BCL11B: variants seen among roughly 807,000 people sequenced by gnomAD.
BCL11B encodes BCL11 transcription factor B.
Under a neutral mutation model 49.9 loss-of-function variants are expected in BCL11B, and 8 were observed. The ratio of observed to expected loss-of-function variants is 0.16; its 90% CI spans 0.09 to 0.29. The LOEUF is 0.29. Ranked by LOEUF, BCL11B falls within the 10% of genes least tolerant of loss-of-function variation. BCL11B has a pLI of 1.00. For synonymous variants in BCL11B, 739 were observed against 637.4 expected (o/e 1.16, Z -2.40); for missense variants, 1,006 against 1,351.0 (o/e 0.74, Z 4.00).
At chr14:99,189,394 G>T (rs1192415560) in intron 3 of BCL11B, among the ~76,000 whole-genome samples, 1 of 152,246 alleles carries the variant, frequency 6.6e-6, no homozygotes, top group Non-Finnish European at 1.5e-5. Context: ...GGCGGTTATG[G>T]AAGAGAAAAG....
At chr14:99,221,580 G>A (rs1888009595) in intron 3 of BCL11B, among the ~76,000 whole-genome samples, 1 of 152,280 alleles carries the variant, frequency 6.6e-6, no homozygotes, top group Admixed American at 6.5e-5. Flanking sequence ...GGCCAGGCGG[G>A]AGGGGCAGGC....
At chr14:99,238,115 G>A (rs10129812) in intron 2 of BCL11B, among the ~76,000 whole-genome samples, 48,017 of 151,826 alleles carry the variant, frequency 0.32, 8,740 homozygotes, top group Non-Finnish European at 0.42. Flanking sequence ...GCTTGGCCGT[G>A]AGGGAGACTA....
rs1002936626 is a variant in BCL11B at position 99,169,717 on chromosome 14, T to C, written c.*4434A>G. ...GGGACTTTGCTTTGCAGGGCTGAGT[T>C]ACAAGGAGCACCAAAATCACGGGTT... is the stretch of plus-strand genomic sequence containing the variant. On this transcript the variant is annotated 3_prime_UTR_variant, in exon 4 of 4. Coordinates refer to ENST00000357195, the MANE Select transcript of BCL11B (RefSeq NM_138576.4). 4.5e-6 allele frequency: 1 copy of C among 222,642 alleles called. No individual in the cohort carries two copies. The highest frequency in any genetic ancestry group is 9.0e-6 in the Non-Finnish European group (1 of 111,066). 13.8% of individuals were successfully genotyped at this position (222,642 alleles called of 1,614,324 possible). A position where few individuals can be genotyped will look rare whatever the true frequency, so the allele number is the denominator to read the frequency against.
At chr14:99,206,532 C>T (rs1323105981) in intron 3 of BCL11B, among the ~76,000 whole-genome samples, 1 of 152,362 alleles carries the variant, frequency 6.6e-6, no homozygotes, top group African/African-American at 2.4e-5. Context: ...CTCTGTCCAG[C>T]ATATCCATGC....
chr14:99,259,298 G>T (rs567086492), intron 1 of BCL11B, among the ~76,000 whole-genome samples: 1 of 152,306 alleles, frequency 6.6e-6, no homozygotes, highest in South Asian at 2.1e-4. Flanking sequence ...TTATTGAAGT[G>T]CCAGAGCCAA....
chr14:99,200,663 C>T (rs1887352881), intron 3 of BCL11B, among the ~76,000 whole-genome samples: 1 of 152,246 alleles, frequency 6.6e-6, no homozygotes, highest in Admixed American at 6.5e-5. Context: ...ATGCCAGCTC[C>T]AGGGCTGGGT....
intron 3 of BCL11B, among the ~76,000 whole-genome samples, chr14:99,208,476 C>T (rs1887596859): frequency 6.6e-6 from 1 of 152,188 alleles, no homozygotes; most frequent in South Asian, 2.1e-4. Flanking sequence ...CTAATATTTA[C>T]ACCTAGCTTT....
intron 3 of BCL11B, among the ~76,000 whole-genome samples, chr14:99,227,976 C>T (rs950115071): frequency 6.6e-6 from 1 of 152,144 alleles, no homozygotes; most frequent in Admixed American, 6.5e-5. Context: ...GGAGGCAGGG[C>T]CCCCTGGGAT....
intron 3 of BCL11B, among the ~76,000 whole-genome samples, chr14:99,187,280 AT>A (rs1886880558): frequency 6.6e-6 from 1 of 152,126 alleles, no homozygotes; most frequent in South Asian, 2.1e-4. Context: ...GCACAGAGCA[AT>A]TTTCCATGTG....
intron 3 of BCL11B, among the ~76,000 whole-genome samples, chr14:99,199,309 C>T (rs1237789571): frequency 6.6e-6 from 1 of 152,130 alleles, no homozygotes; most frequent in African/African-American, 2.4e-5. Flanking sequence ...CACTGAATTA[C>T]AGGTTAAATA....
At chr14:99,250,221 G>A (rs1463203605) in intron 2 of BCL11B, among the ~76,000 whole-genome samples, 3 of 151,650 alleles carry the variant, frequency 2.0e-5, no homozygotes, top group African/African-American at 7.3e-5. Context: ...ATTTTTAGTC[G>A]AGACGGAGTT....
chr14:99,266,112 C>T (rs1176030903), intron 1 of BCL11B, among the ~76,000 whole-genome samples: 1 of 152,150 alleles, frequency 6.6e-6, no homozygotes, highest in Non-Finnish European at 1.5e-5. Flanking sequence ...TCTTTCCAAA[C>T]AAAGTTTTAC....
Position 99,184,581 on chromosome 14 carries a change from C to T in BCL11B, c.641-8386G>A, listed in dbSNP as rs139954822. ...CAGAGTCAAGATGCACACCCGGGTCCGTCTGACCCCAGAGCGTGTGCTGGG... is the reference window on the plus strand; with the variant it reads ...CAGAGTCAAGATGCACACCCGGGTCTGTCTGACCCCAGAGCGTGTGCTGGG... On this transcript the variant is annotated intron_variant, in intron 3 of 3. Coordinates refer to ENST00000357195, the MANE Select transcript of BCL11B (RefSeq NM_138576.4). The surrounding 1 kb of genome is among the most constrained non-coding windows in gnomAD (Gnocchi z 6.1). Among the ~76,000 whole-genome samples the T allele has an allele frequency of 2.7e-4, 40 of 150,438 alleles. No homozygotes were observed. The highest frequency in any genetic ancestry group is 1.8e-3 in the Admixed American group (27 of 15,236).
At chr14:99,219,055 T>G (rs2139861420) in intron 3 of BCL11B, among the ~76,000 whole-genome samples, 1 of 152,094 alleles carries the variant, frequency 6.6e-6, no homozygotes, top group East Asian at 1.9e-4. Context: ...CTTTTTTTTT[T>G]TTTGAGACAG....
chr14:99,170,741 A>G lies in BCL11B; in HGVS notation c.*3410T>C. 4.3e-6 allele frequency: 1 copy of G among 233,386 alleles called. No individual in the cohort carries two copies. The highest frequency in any genetic ancestry group is 6.0e-5 in the East Asian group (1 of 16,554). 14.5% of individuals were successfully genotyped at this position (233,386 alleles called of 1,614,324 possible). ...CAGCAAAGCAGGGAAGAAAGACAAG[A>G]GGCCAACACTCTCCATGGCACGAAA... On this transcript the variant is annotated 3_prime_UTR_variant, in exon 4 of 4. Transcript: ENST00000357195.
chr14:99,200,309 G>A (rs1180510297), intron 3 of BCL11B, among the ~76,000 whole-genome samples: 1 of 152,192 alleles, frequency 6.6e-6, no homozygotes. Context: ...AGGGGAAGGG[G>A]ACTGGGCTGA....
chr14:99,177,463 G>C (rs1010379700), intron 3 of BCL11B, among the ~76,000 whole-genome samples: 1 of 151,404 alleles, frequency 6.6e-6, no homozygotes, highest in African/African-American at 2.4e-5. Context: ...GAAGCTCGCC[G>C]CTTTTCCAGT....
In BCL11B at chr14:99,174,100, C is replaced by A; in HGVS notation, c.*51G>T. 1 of 1,565,378 alleles carries A rather than the reference C, an allele frequency of 6.4e-7. No individual in the cohort carries two copies. The highest frequency in any genetic ancestry group is 1.1e-5 in the South Asian group (1 of 88,660). On this transcript the variant is annotated 3_prime_UTR_variant, in exon 4 of 4. Transcript: ENST00000357195. ...GAGGCAAGTCAGGTCAGCATTCTCTCGGTTGGCAACGGTTCCACTGTACAG... is the reference window on the plus strand; with the variant it reads ...GAGGCAAGTCAGGTCAGCATTCTCTAGGTTGGCAACGGTTCCACTGTACAG...
intron 3 of BCL11B, among the ~76,000 whole-genome samples, chr14:99,199,701 TGCAC>T (rs1566806801): frequency 0.053 from 3,430 of 64,392 alleles, 53 homozygotes; most frequent in Middle Eastern, 0.087. Context: ...CGCGCGCACG[TGCAC>T]GTGTGTGCGT....
Sources: allele counts gnomAD v4.1 joint callset (sites outside exome capture counted in the v4.1 genomes callset), GRCh38; gene constraint gnomAD v4.1.1; non-coding constraint Gnocchi (gnomAD v3.1); transcripts MANE v1.5; gene names NCBI Gene and HGNC (gene_info 2026-07-23, HGNC 2026-07-21).